Variants in EFCAB7 observed in about 807,000 individuals in gnomAD.
The protein encoded by EFCAB7 is EF-hand calcium binding domain 7.
EFCAB7 carries 66 observed loss-of-function variants against 77.1 expected under a neutral mutation model. That is an observed-to-expected ratio of 0.86 (90% CI 0.70 to 1.05). The LOEUF is 1.05. Ranked by LOEUF, EFCAB7 falls within the 50% of genes least tolerant of loss-of-function variation. The pLI is 0.00. For missense variants in EFCAB7, 638 were observed against 730.5 expected (o/e 0.87, Z 1.46); for synonymous variants, 225 against 243.3 (o/e 0.92, Z 0.70).
At position 63,557,142 on chromosome 1, in the gene EFCAB7, ATTGAT is replaced by A. The variant is rs1254296208; in HGVS notation, c.1246_1250del (p.Asp416ArgfsTer7). The A allele has an allele frequency of 2.5e-6, 4 of 1,596,090 alleles. No individual in the cohort carries two copies. The highest frequency in any genetic ancestry group is 3.4e-6 in the Non-Finnish European group (4 of 1,173,568). On this transcript the variant is annotated frameshift_variant, in exon 10 of 14. Transcript: ENST00000371088. LOFTEE classifies it high-confidence loss of function. ...TACTTTATCAGATATATTTGAAGTA[ATTGAT>A]TTAGATGGAAATGGTCTTCTTAGCC...
At chr1:63,562,227 G>T (rs1439365461) in intron 11 of EFCAB7, among the ~76,000 whole-genome samples, 1 of 151,650 alleles carries the variant, frequency 6.6e-6, no homozygotes, top group East Asian at 1.9e-4. Flanking sequence ...AGGAGACTGT[G>T]TCTGCATTAG....
chr1:63,545,567 C>T (rs1283371632), intron 6 of EFCAB7, among the ~76,000 whole-genome samples: 1 of 152,012 alleles, frequency 6.6e-6, no homozygotes, highest in East Asian at 1.9e-4. Flanking sequence ...CCCAGGTTCA[C>T]GCAATTCTCC....
chr1:63,549,763 A>G (rs1430522655), intron 7 of EFCAB7: 2 of 169,880 alleles, frequency 1.2e-5, no homozygotes, highest in Non-Finnish European at 2.5e-5. Flanking sequence ...AATGAAAAAT[A>G]TATTGGCAAA....
chr1:63,572,655 G>T lies in EFCAB7; in HGVS notation c.*139G>T. On this transcript the variant is annotated 3_prime_UTR_variant, in exon 14 of 14. Coordinates refer to ENST00000371088, the MANE Select transcript of EFCAB7 (RefSeq NM_032437.4). ...ATATGCATTTTCATTTTATGTCCAT[G>T]GTATGTACTTTATTATTAAAATATA... 3 of 1,067,608 alleles carry T rather than the reference G, an allele frequency of 2.8e-6. No homozygotes were observed. Among genetic ancestry groups the T allele is most frequent in the South Asian group, 3.2e-5 (1 of 31,040 alleles). The allele number at this position is 1,067,608 out of a possible 1,614,324, so 66.1% of individuals were successfully genotyped here. A position where few individuals can be genotyped will look rare whatever the true frequency, so the allele number is the denominator to read the frequency against.
the EFCAB7 span, among the ~76,000 whole-genome samples, chr1:63,580,443 C>T: frequency 6.6e-6 from 1 of 152,044 alleles, no homozygotes; most frequent in Non-Finnish European, 1.5e-5. Context: ...TGTGTCTTTC[C>T]CTTCACTAAT....
At chr1:63,543,684 A>G (rs913987476) in intron 6 of EFCAB7, among the ~76,000 whole-genome samples, 1 of 152,230 alleles carries the variant, frequency 6.6e-6, no homozygotes, top group Non-Finnish European at 1.5e-5. Context: ...TTGCAGTGAT[A>G]TAATAAATCT....
chr1:63,558,360 C>G (rs183479164), intron 10 of EFCAB7, among the ~76,000 whole-genome samples: 10 of 152,186 alleles, frequency 6.6e-5, no homozygotes, highest in Admixed American at 6.5e-4. Context: ...GATAGCTTAC[C>G]ATCTACCATG....
chr1:63,549,159 T>C, intron 7 of EFCAB7: 1 of 310,654 alleles, frequency 3.2e-6, no homozygotes, highest in Non-Finnish European at 6.5e-6. Context: ...GAGAACCAAT[T>C]CTGGAGAACA....
At chr1:63,575,709 G>A (rs567021967), downstream of EFCAB7, among the ~76,000 whole-genome samples, 27 of 151,894 alleles carry the variant, frequency 1.8e-4, no homozygotes, top group East Asian at 1.9e-4. Flanking sequence ...TCAGCCTTCC[G>A]AGTAGCTGGT....
At chr1:63,547,112 C>A (rs1051792525) in intron 7 of EFCAB7, 2 of 152,082 alleles carry the variant, frequency 1.3e-5, no homozygotes, top group South Asian at 4.1e-4. Flanking sequence ...TTGTGGGATA[C>A]GTATAATGTT....
downstream of EFCAB7, among the ~76,000 whole-genome samples, chr1:63,576,656 A>G (rs1379065650): frequency 1.3e-5 from 2 of 149,822 alleles, no homozygotes; most frequent in East Asian, 3.9e-4. Flanking sequence ...CCCCGTCTCT[A>G]CTAAAAATAA....
intron 11 of EFCAB7, among the ~76,000 whole-genome samples, chr1:63,562,449 T>TTATTTATATA (rs1393426376): frequency 1.8e-4 from 4 of 22,456 alleles, no homozygotes; most frequent in Non-Finnish European, 3.0e-4. Context: ...CTTAATTTAT[T>TTATTTATATA]TATATATATA....
At chr1:63,571,149 T>G (rs1049129014) in intron 13 of EFCAB7, 21 bp downstream of exon 13, 7 of 1,553,040 alleles carry the variant, frequency 4.5e-6, no homozygotes, top group Non-Finnish European at 6.1e-6. Flanking sequence ...ATTTTCTAAT[T>G]AAAGCCTTTT....
chr1:63,571,588 T>C (rs1293603903), intron 13 of EFCAB7, among the ~76,000 whole-genome samples: 2 of 145,506 alleles, frequency 1.4e-5, no homozygotes, highest in Non-Finnish European at 3.0e-5. Context: ...CAGGAGAATC[T>C]GAACCTGGGA....
intron 6 of EFCAB7, among the ~76,000 whole-genome samples, chr1:63,540,181 A>AGT (rs2100885299): frequency 6.6e-6 from 1 of 151,840 alleles, no homozygotes; most frequent in South Asian, 2.1e-4. Flanking sequence ...TGGCCAACAT[A>AGT]GTGAAACCCC....
At chr1:63,539,891 T>C (rs1400666465) in intron 6 of EFCAB7, among the ~76,000 whole-genome samples, 1 of 152,230 alleles carries the variant, frequency 6.6e-6, no homozygotes, top group Non-Finnish European at 1.5e-5. Flanking sequence ...AAATGCTGTA[T>C]AACATTTCTT....
the EFCAB7 span, among the ~76,000 whole-genome samples, chr1:63,583,263 T>C: frequency 2.6e-5 from 4 of 152,032 alleles, no homozygotes; most frequent in South Asian, 4.1e-4. Context: ...ATTGCCCTTA[T>C]CTATAAAGGT....
At chr1:63,576,434 C>T (rs1423952926), downstream of EFCAB7, among the ~76,000 whole-genome samples, 2 of 151,888 alleles carry the variant, frequency 1.3e-5, no homozygotes, top group Middle Eastern at 3.4e-3. Context: ...GAGCTGAGAT[C>T]GCATCATTGC....
At position 63,561,302 on chromosome 1, in the gene EFCAB7, A is replaced by C. The variant is rs151046593; in HGVS notation, c.1349-407A>C. Among the ~76,000 whole-genome samples, 10 of 152,334 alleles carry C rather than the reference A, an allele frequency of 6.6e-5. No individual in the cohort carries two copies. In the East Asian group the frequency reaches 1.7e-3, roughly 26 times the overall value. ...AACTCAGTAGTTTGGGGAGTATTAT[A>C]TCAAATTCATCCAGTTTCTGCTGGC... is the stretch of plus-strand genomic sequence containing the variant. On this transcript the variant is annotated intron_variant, in intron 10 of 13. Transcript: ENST00000371088.
Sources: allele counts gnomAD v4.1 joint callset (sites outside exome capture counted in the v4.1 genomes callset), GRCh38; gene constraint gnomAD v4.1.1; transcripts MANE v1.5; gene names NCBI Gene and HGNC (gene_info 2026-07-23, HGNC 2026-07-21).